The following PPP1R12B variants were observed in gnomAD, a reference collection of about 807,000 sequenced individuals.
PPP1R12B encodes the protein myosin phosphatase target subunit 2.
Under a neutral mutation model 126.1 loss-of-function variants are expected in PPP1R12B, and 76 were observed. That is an observed-to-expected ratio of 0.60 (90% CI 0.50 to 0.73). PPP1R12B has a LOEUF of 0.73. PPP1R12B is among the 30% of genes least tolerant of loss of function. PPP1R12B has a pLI of 0.00. For missense variants in PPP1R12B, 1,052 were observed against 1,205.1 expected (o/e 0.87, Z 1.88); for synonymous variants, 356 against 434.7 (o/e 0.82, Z 2.25).
chr1:202,501,147 C>T (rs1680184325), intron 18 of PPP1R12B, among the ~76,000 whole-genome samples: 1 of 152,168 alleles, frequency 6.6e-6, no homozygotes, highest in Non-Finnish European at 1.5e-5. Context: ...GATCCTTTGT[C>T]TTTCTGAATG....
intron 13 of PPP1R12B, among the ~76,000 whole-genome samples, chr1:202,456,186 T>C (rs1033656173): frequency 1.3e-5 from 2 of 151,788 alleles, no homozygotes; most frequent in Admixed American, 1.3e-4. Context: ...GTAGAATCGC[T>C]TGAGCCTGGG....
At chr1:202,360,747 A>G (rs549857378) in intron 1 of PPP1R12B, among the ~76,000 whole-genome samples, 1 of 152,156 alleles carries the variant, frequency 6.6e-6, no homozygotes, top group African/African-American at 2.4e-5. Context: ...AAAATAGTTA[A>G]CATAGGTTTA....
intron 23 of PPP1R12B, among the ~76,000 whole-genome samples, chr1:202,569,780 T>C (rs1688418406): frequency 6.6e-6 from 1 of 152,196 alleles, no homozygotes; most frequent in Non-Finnish European, 1.5e-5. Flanking sequence ...CCAGATACAC[T>C]TCACAGCTCA....
At chr1:202,396,729 C>G (rs1367945482) in intron 1 of PPP1R12B, among the ~76,000 whole-genome samples, 2 of 152,198 alleles carry the variant, frequency 1.3e-5, no homozygotes, top group African/African-American at 2.4e-5. Flanking sequence ...CCTCCCACCT[C>G]AGCCTCCCAA....
intron 18 of PPP1R12B, among the ~76,000 whole-genome samples, chr1:202,536,464 A>G (rs1049332898): frequency 7.9e-5 from 12 of 152,360 alleles, no homozygotes; most frequent in African/African-American, 2.6e-4. Context: ...TTTACCGTGA[A>G]TGAATGCACC....
At chr1:202,566,213 A>G (rs947705755) in intron 21 of PPP1R12B, among the ~76,000 whole-genome samples, 2 of 152,230 alleles carry the variant, frequency 1.3e-5, no homozygotes, top group African/African-American at 4.8e-5. Flanking sequence ...AGCTGCTGAC[A>G]TTGACTTGCA....
intron 1 of PPP1R12B, among the ~76,000 whole-genome samples, chr1:202,349,736 G>A (rs1655595996): frequency 6.6e-6 from 1 of 152,124 alleles, no homozygotes; most frequent in Non-Finnish European, 1.5e-5. Flanking sequence ...CTTCTCAGCA[G>A]TGCTACCTCC....
chr1:202,562,699 A>G (rs1254465062), intron 19 of PPP1R12B, 79 bp from the exon 20 acceptor site: 21 of 1,471,824 alleles, frequency 1.4e-5, no homozygotes, highest in Non-Finnish European at 2.0e-5. Flanking sequence ...GAAAAGGCGC[A>G]AACTACCCCT....
At chr1:202,356,445 A>G (rs1362132438) in intron 1 of PPP1R12B, among the ~76,000 whole-genome samples, 1 of 152,150 alleles carries the variant, frequency 6.6e-6, no homozygotes, top group African/African-American at 2.4e-5. Flanking sequence ...TAGGCTGACT[A>G]ATGGTGCCCC....
chr1:202,427,690 G>C (rs1234172901), intron 5 of PPP1R12B, among the ~76,000 whole-genome samples: 2 of 152,232 alleles, frequency 1.3e-5, no homozygotes, highest in African/African-American at 4.8e-5. Flanking sequence ...TGTTGCCCAG[G>C]CTGGAGTGCA....
At chr1:202,531,118 C>CAGA (rs753560670) in intron 18 of PPP1R12B, among the ~76,000 whole-genome samples, 3 of 152,244 alleles carry the variant, frequency 2.0e-5, no homozygotes, top group Middle Eastern at 6.8e-3. Context: ...ATGGAAAAAT[C>CAGA]AGAAGAAGAA....
chr1:202,467,968 T>C (rs900000798), intron 13 of PPP1R12B, among the ~76,000 whole-genome samples: 1 of 152,236 alleles, frequency 6.6e-6, no homozygotes, highest in Non-Finnish European at 1.5e-5. Context: ...ATTTCTCTGA[T>C]GGCCAGTGAT....
intron 1 of PPP1R12B, among the ~76,000 whole-genome samples, chr1:202,378,971 C>T (rs1340088399): frequency 5.9e-5 from 9 of 152,150 alleles, no homozygotes; most frequent in Admixed American, 5.2e-4. Flanking sequence ...GATTTCTACC[C>T]CAACCCACTT....
At chr1:202,411,768 CCA>C (rs1356730270) in intron 1 of PPP1R12B, among the ~76,000 whole-genome samples, 4 of 152,120 alleles carry the variant, frequency 2.6e-5, no homozygotes, top group Non-Finnish European at 5.9e-5. Context: ...GTTAGATACC[CCA>C]CTCTAGGTTG....
intron 10 of PPP1R12B, chr1:202,439,836 A>T: frequency 5.4e-6 from 2 of 369,718 alleles, no homozygotes; most frequent in Non-Finnish European, 1.0e-5. Flanking sequence ...CACTGGGGCC[A>T]GCCTCAGTTT....
At chr1:202,385,725 A>G (rs1489444238) in intron 1 of PPP1R12B, among the ~76,000 whole-genome samples, 1 of 152,214 alleles carries the variant, frequency 6.6e-6, no homozygotes, top group Non-Finnish European at 1.5e-5. Context: ...TTTCAATCAT[A>G]CAATAACTGT....
intron 13 of PPP1R12B, among the ~76,000 whole-genome samples, chr1:202,481,127 G>A (rs1229629574): frequency 1.3e-5 from 2 of 152,202 alleles, no homozygotes; most frequent in Non-Finnish European, 2.9e-5. Flanking sequence ...ATCTAATGCC[G>A]TGGCTGATCT....
Position 202,592,694 on chromosome 1 carries a change from T to G in PPP1R12B, c.*12134T>G, listed in dbSNP as rs993164086. On this transcript the variant is annotated 3_prime_UTR_variant, in exon 24 of 24. Coordinates refer to ENST00000608999, the MANE Select transcript of PPP1R12B (RefSeq NM_002481.4). Reference sequence around the variant, plus strand: ...TGCTTAAAAAATAAAGTAATTCATGTGTCTTCAAGTCACAGTGTCCCCTTC... The same window carrying G: ...TGCTTAAAAAATAAAGTAATTCATGGGTCTTCAAGTCACAGTGTCCCCTTC... 2.0e-5 allele frequency: 3 copies of G among 152,210 alleles called. No individual in the cohort carries two copies. The highest frequency in any genetic ancestry group is 6.5e-5 in the Admixed American group (1 of 15,276). The allele number at this position is 152,210 out of a possible 1,614,324, so 9.4% of individuals were successfully genotyped here.
chr1:202,477,270 T>C (rs1676790118), intron 13 of PPP1R12B, among the ~76,000 whole-genome samples: 2 of 152,230 alleles, frequency 1.3e-5, no homozygotes, highest in Admixed American at 6.5e-5. Flanking sequence ...TGGGTTTGCA[T>C]TTAATCTTCA....
Sources: allele counts gnomAD v4.1 joint callset (sites outside exome capture counted in the v4.1 genomes callset), GRCh38; gene constraint gnomAD v4.1.1; transcripts MANE v1.5; gene names NCBI Gene and HGNC (gene_info 2026-07-23, HGNC 2026-07-21).